Variants in ADAMTS17 observed in about 807,000 individuals in gnomAD.
The protein encoded by ADAMTS17 is A disintegrin and metalloproteinase with thrombospondin motifs 17.
In ADAMTS17, 113 loss-of-function variants were observed where a neutral mutation model predicts 141.5. That is an observed-to-expected ratio of 0.80 (90% CI 0.69 to 0.93). The LOEUF (loss-of-function observed/expected upper bound fraction) is 0.93, where lower values mean the gene tolerates loss of function less well. ADAMTS17 is among the 40% of genes least tolerant of loss of function. The probability of loss-of-function intolerance (pLI) is 0.00; values close to 1 mark genes in which losing one functional copy is unlikely to be tolerated. For synonymous variants in ADAMTS17, 768 were observed against 630.6 expected (o/e 1.22, Z -3.27); for missense variants, 1,659 against 1,517.9 (o/e 1.09, Z -1.54).
At chr15:100,205,331 A>C (rs2041495171) in intron 7 of ADAMTS17, among the ~76,000 whole-genome samples, 1 of 152,206 alleles carries the variant, frequency 6.6e-6, no homozygotes, top group Non-Finnish European at 1.5e-5. Flanking sequence ...AGAAGCCACA[A>C]GTTTATGCCA....
rs558724218 is a variant in ADAMTS17, at chr15:100,129,017, T to G, written c.1721+2990A>C. ...CAAAGAGGCACCTATGGCATTTGCA[T>G]AGCGTTGATAACGTCTTATTCTTGC... On this transcript the variant is annotated intron_variant, in intron 12 of 21. Transcript: ENST00000268070. 9 of 152,358 alleles carry G rather than the reference T, an allele frequency of 5.9e-5. No homozygotes were observed. The East Asian group carries it at 1.5e-3, about 26-fold the overall frequency. 9.4% of individuals were successfully genotyped at this position (152,358 alleles called of 1,614,324 possible).
rs190130768 is a variant in ADAMTS17 at position 100,021,564 on chromosome 15, T to A, written c.2592-23975A>T. Among the ~76,000 whole-genome samples, 316 of 152,340 alleles carry A rather than the reference T, an allele frequency of 2.1e-3. 2 individuals carry two copies. Among genetic ancestry groups the A allele is most frequent in the African/African-American group, 7.0e-3 (290 of 41,594 alleles). ...CAGTCTGAAACTTTCGACGGCTCCC[T>A]AGTACCTAATGCCTTCCATATCCTG... On this transcript the variant is annotated intron_variant, in intron 18 of 21. Coordinates refer to ENST00000268070, the MANE Select transcript of ADAMTS17 (RefSeq NM_139057.4).
intron 15 of ADAMTS17, among the ~76,000 whole-genome samples, chr15:100,071,289 T>C (rs1416084320): frequency 1.3e-5 from 2 of 149,946 alleles, no homozygotes; most frequent in African/African-American, 4.9e-5. Flanking sequence ...CCAGATGGAT[T>C]CACAGCCGAA....
At chr15:100,011,729 C>G (rs551143944) in intron 18 of ADAMTS17, among the ~76,000 whole-genome samples, 1 of 152,186 alleles carries the variant, frequency 6.6e-6, no homozygotes, top group Non-Finnish European at 1.5e-5. Context: ...GCCATTAATT[C>G]GTTCTTGTTT....
chr15:100,103,468 TAGG>T (rs937332874), intron 14 of ADAMTS17, among the ~76,000 whole-genome samples: 1 of 152,160 alleles, frequency 6.6e-6, no homozygotes, highest in African/African-American at 2.4e-5. Context: ...GGACAGGAAA[TAGG>T]AGGCCAATAA....
intron 7 of ADAMTS17, among the ~76,000 whole-genome samples, chr15:100,249,147 C>T (rs898447231): frequency 6.6e-6 from 1 of 152,166 alleles, no homozygotes; most frequent in Non-Finnish European, 1.5e-5. Context: ...CACTCAAATC[C>T]ACCCAGTACA....
intron 18 of ADAMTS17, among the ~76,000 whole-genome samples, chr15:100,011,234 C>T (rs1156813061): frequency 1.8e-5 from 1 of 56,498 alleles, no homozygotes; most frequent in Non-Finnish European, 3.3e-5. Context: ...ATGGTTAGTT[C>T]TCATTTGCTG....
At chr15:99,983,767 G>C (rs533338313) in intron 20 of ADAMTS17, among the ~76,000 whole-genome samples, 1 of 152,072 alleles carries the variant, frequency 6.6e-6, no homozygotes, top group Non-Finnish European at 1.5e-5. Context: ...ATCCACCCCC[G>C]TCCCCACTGA....
chr15:100,060,808 G>C (rs2033060024), intron 15 of ADAMTS17, among the ~76,000 whole-genome samples: 1 of 152,202 alleles, frequency 6.6e-6, no homozygotes, highest in Non-Finnish European at 1.5e-5. Flanking sequence ...AGGTAGGTGG[G>C]GTGAAATTCT....
At chr15:100,044,300 T>C (rs573544115) in intron 18 of ADAMTS17, among the ~76,000 whole-genome samples, 1 of 152,236 alleles carries the variant, frequency 6.6e-6, no homozygotes, top group African/African-American at 2.4e-5. Flanking sequence ...ATTACCCTTA[T>C]GCTAGAATGC....
intron 9 of ADAMTS17, among the ~76,000 whole-genome samples, chr15:100,153,612 C>G (rs1485317728): frequency 6.6e-6 from 1 of 152,134 alleles, no homozygotes; most frequent in Non-Finnish European, 1.5e-5. Context: ...CCACTGCACT[C>G]CAGCCTGGGT....
At chr15:100,332,909 G>T (rs115002707) in intron 2 of ADAMTS17, among the ~76,000 whole-genome samples, 1 of 152,256 alleles carries the variant, frequency 6.6e-6, no homozygotes, top group African/African-American at 2.4e-5. Context: ...AGGAAGGAGG[G>T]GTTGTACAGG....
At position 99,997,475 on chromosome 15, in the gene ADAMTS17, G is replaced by A. The variant is rs777524361; in HGVS notation, c.2706C>T (p.Pro902=). The change falls in exon 19 of 22, where the codon CCC becomes CCT. Residue 902 remains proline, a synonymous_variant. Coordinates refer to ENST00000268070, the MANE Select transcript of ADAMTS17 (RefSeq NM_139057.4). The surrounding 1 kb of genome is among the most constrained non-coding windows in gnomAD (Gnocchi z 4.7). Reference sequence around the variant, plus strand: ...CCGGCCGGGGGCCCGGGCAGTAGAGGGGCCGCGTAGCGACGTGTGTGCCGT... The same window carrying A: ...CCGGCCGGGGGCCCGGGCAGTAGAGAGGCCGCGTAGCGACGTGTGTGCCGT... ...LQNGTHVATR[P]LYCPGPRPAA... 2 of 1,613,398 alleles carry A rather than the reference G, an allele frequency of 1.2e-6. No individual in the cohort carries two copies. Among genetic ancestry groups the A allele is most frequent in the African/African-American group, 2.7e-5 (2 of 74,914 alleles).
intron 19 of ADAMTS17, among the ~76,000 whole-genome samples, chr15:99,996,036 T>TA (rs964244994): frequency 6.6e-6 from 1 of 150,754 alleles, no homozygotes; most frequent in African/African-American, 2.4e-5. Context: ...TTTTCCCCCA[T>TA]AAAAAGAGTC....
At chr15:100,225,518 C>T (rs145591724) in intron 7 of ADAMTS17, among the ~76,000 whole-genome samples, 296 of 150,796 alleles carry the variant, frequency 2.0e-3, no homozygotes, top group African/African-American at 6.8e-3. Flanking sequence ...ACAGCAGTCA[C>T]GGCCTCTGTG....
At chr15:100,043,441 T>G (rs1228723818) in intron 18 of ADAMTS17, among the ~76,000 whole-genome samples, 2 of 152,180 alleles carry the variant, frequency 1.3e-5, no homozygotes, top group Non-Finnish European at 2.9e-5. Flanking sequence ...TAACACGTCC[T>G]CCTTTGTATA....
At chr15:100,241,740 C>G (rs1035598278) in intron 7 of ADAMTS17, among the ~76,000 whole-genome samples, 3 of 152,178 alleles carry the variant, frequency 2.0e-5, no homozygotes, top group East Asian at 3.9e-4. Context: ...AACCATGACT[C>G]AGCCTTTCCT....
chr15:100,276,421 G>T (rs1429460935), intron 4 of ADAMTS17, among the ~76,000 whole-genome samples: 1 of 73,354 alleles, frequency 1.4e-5, no homozygotes, highest in African/African-American at 5.8e-5. Flanking sequence ...GGGTGGGAGG[G>T]TGTGGGTGCC....
At chr15:100,108,890 C>T in intron 14 of ADAMTS17, 99 bp downstream of exon 14, 1 of 1,599,122 alleles carries the variant, frequency 6.3e-7, no homozygotes, top group Non-Finnish European at 8.5e-7. Context: ...ATCCACTCCC[C>T]TAGGCCTCCT....
Sources: gnomAD v4.1 joint callset for allele counts (sites outside exome capture counted in the v4.1 genomes callset) on GRCh38, gnomAD v4.1.1 for gene constraint, Gnocchi (gnomAD v3.1) non-coding constraint, MANE v1.5 for transcripts, NCBI Gene and HGNC (gene_info 2026-07-23, HGNC 2026-07-21) for gene names.